The following SEMA3D variants were observed in gnomAD, a reference collection of about 807,000 sequenced individuals.
The protein encoded by SEMA3D is semaphorin-3D.
In SEMA3D, 84 loss-of-function variants were observed where a neutral mutation model predicts 100.1. That is an observed-to-expected ratio of 0.84 (90% CI 0.70 to 1.01). The LOEUF is 1.01. SEMA3D is among the 50% of genes least tolerant of loss of function. The probability of loss-of-function intolerance (pLI) is 0.00; values close to 1 mark genes in which losing one functional copy is unlikely to be tolerated. For synonymous variants in SEMA3D, 312 were observed against 320.7 expected (o/e 0.97, Z 0.29); for missense variants, 875 against 934.1 (o/e 0.94, Z 0.82).
intron 3 of SEMA3D, among the ~76,000 whole-genome samples, chr7:85,117,918 T>A (rs923607348): frequency 3.3e-5 from 5 of 151,362 alleles, no homozygotes; most frequent in Middle Eastern, 3.5e-3. Context: ...TATATAGATA[T>A]CTTTTTAAAA....
chr7:85,147,184 C>A (rs1374592768), intron 2 of SEMA3D, among the ~76,000 whole-genome samples: 2 of 146,206 alleles, frequency 1.4e-5, no homozygotes, highest in African/African-American at 5.0e-5. Context: ...CTCACCGCAA[C>A]CTCTGCCTCC....
Position 85,020,317 on chromosome 7 carries a change from A to G in SEMA3D, c.1419T>C (p.Ile473=). The change falls in exon 14 of 19, where the codon ATT becomes ATC. Residue 473 remains isoleucine (I), a synonymous_variant. Transcript: ENST00000284136. ...QYDVMFLGTD[I]GTVLKVVSIS... is the part of the protein sequence containing the mutation. ...TGCTGACAACTTTGAGGACAGTTCC[A>G]ATGTCTGAAAAAATGCATAACCCAT... 6.2e-7 allele frequency: 1 copy of G among 1,607,708 alleles called. No individual in the cohort carries two copies. Among genetic ancestry groups the G allele is most frequent in the Non-Finnish European group, 8.5e-7 (1 of 1,175,472 alleles).
At chr7:85,140,383 T>A (rs549229332) in intron 2 of SEMA3D, 1 of 981,340 alleles carries the variant, frequency 1.0e-6, no homozygotes, top group Non-Finnish European at 1.2e-6. Context: ...TGTTGGTAAA[T>A]TATTCTATTT....
At chr7:85,040,885 A>T in intron 10 of SEMA3D, 143 bp from the exon 11 acceptor site, 1 of 548,428 alleles carries the variant, frequency 1.8e-6, no homozygotes, top group Non-Finnish European at 3.2e-6. Flanking sequence ...GAAATCAAAT[A>T]TAAGATTGTT....
chr7:85,215,751 T>A, the SEMA3D span, among the ~76,000 whole-genome samples: 1 of 152,156 alleles, frequency 6.6e-6, no homozygotes, highest in African/African-American at 2.4e-5. Flanking sequence ...TATTACACTT[T>A]TTATGAAAAA....
intron 1 of SEMA3D, among the ~76,000 whole-genome samples, chr7:85,176,756 A>G (rs1054284757): frequency 4.1e-5 from 6 of 146,948 alleles, no homozygotes; most frequent in South Asian, 4.4e-4. Flanking sequence ...ACATGTATAT[A>G]TGTGTGTGTG....
intron 8 of SEMA3D, among the ~76,000 whole-genome samples, chr7:85,061,558 C>T (rs1791479608): frequency 1.3e-5 from 2 of 152,134 alleles, no homozygotes; most frequent in African/African-American, 2.4e-5. Context: ...TGTATTCTCT[C>T]CCCTCCCACT....
chr7:85,079,708 T>C (rs1212050170), intron 5 of SEMA3D, among the ~76,000 whole-genome samples: 1 of 152,248 alleles, frequency 6.6e-6, no homozygotes, highest in Admixed American at 6.5e-5. Flanking sequence ...AAAACCATTT[T>C]ACTGGAGTAA....
intron 8 of SEMA3D, among the ~76,000 whole-genome samples, chr7:85,057,954 AG>A (rs2116095941): frequency 6.6e-6 from 1 of 152,278 alleles, no homozygotes; most frequent in African/African-American, 2.4e-5. Context: ...GTAAATAAAA[AG>A]TTAACGTTGG....
intron 2 of SEMA3D, among the ~76,000 whole-genome samples, chr7:85,146,250 C>A (rs1249964744): frequency 6.6e-6 from 1 of 152,102 alleles, no homozygotes; most frequent in Non-Finnish European, 1.5e-5. Context: ...AATCACATTT[C>A]ACTTTTACTA....
chr7:85,173,465 C>A (rs1446713876), intron 1 of SEMA3D, among the ~76,000 whole-genome samples: 1 of 151,970 alleles, frequency 6.6e-6, no homozygotes, highest in East Asian at 1.9e-4. Flanking sequence ...CACTTCCGTG[C>A]CAAAACAGAT....
At chr7:85,197,879 G>T in the SEMA3D span, among the ~76,000 whole-genome samples, 2 of 152,084 alleles carry the variant, frequency 1.3e-5, no homozygotes, top group African/African-American at 2.4e-5. Flanking sequence ...ATTCTCAACA[G>T]TAGAATGGAT....
chr7:85,245,177 A>G, the SEMA3D span, among the ~76,000 whole-genome samples: 4 of 152,172 alleles, frequency 2.6e-5, no homozygotes, highest in Non-Finnish European at 4.4e-5. Flanking sequence ...CCTCGAAACA[A>G]AAGCATTAAA....
the SEMA3D span, among the ~76,000 whole-genome samples, chr7:85,210,821 C>T: frequency 1.5e-3 from 229 of 152,078 alleles, no homozygotes; most frequent in African/African-American, 4.7e-3. Context: ...AAGTAATATA[C>T]AATATTCAGG....
Position 85,081,689 on chromosome 7 carries a change from T to C in SEMA3D, c.313-110A>G, listed in dbSNP as rs546256381. On this transcript the variant is annotated intron_variant, in intron 4 of 18. Coordinates refer to ENST00000284136, the MANE Select transcript of SEMA3D (RefSeq NM_001384900.1). ...GAAATTGAAGAATGAGTATTAAGCA[T>C]GTTGTTAGAGTCAATGTGGGAAATT... 44 of 717,308 alleles carry C rather than the reference T, an allele frequency of 6.1e-5. 1 individual carries two copies. The highest frequency in any genetic ancestry group is 5.5e-4 in the African/African-American group (31 of 56,864). 44.4% of individuals were successfully genotyped at this position (717,308 alleles called of 1,614,324 possible). A position where few individuals can be genotyped will look rare whatever the true frequency, so the allele number is the denominator to read the frequency against.
the SEMA3D span, among the ~76,000 whole-genome samples, chr7:85,242,284 T>G: frequency 6.6e-6 from 1 of 152,214 alleles, no homozygotes; most frequent in Non-Finnish European, 1.5e-5. Context: ...ATTTTACATT[T>G]TTTTCTAATA....
At chr7:85,142,946 G>A (rs756897935) in intron 2 of SEMA3D, 28 of 985,132 alleles carry the variant, frequency 2.8e-5, no homozygotes, top group Admixed American at 6.2e-5. Context: ...TGCCATCTTA[G>A]TTAGGAAAAG....
rs991563250 is a variant in SEMA3D, at chr7:85,028,653, C to T, written c.1192-6040G>A. On this transcript the variant is annotated intron_variant, in intron 12 of 18. Transcript: ENST00000284136. ...TTGTGAACTTGCTAAACATACTCTT[C>T]CAGCACTGAAACCAGTACTGAGGTC... 1.5e-5 allele frequency: 3 copies of T among 204,662 alleles called. No homozygotes were observed. In the South Asian group the frequency reaches 2.6e-4, roughly 17 times the overall value. 12.7% of individuals were successfully genotyped at this position (204,662 alleles called of 1,614,324 possible).
chr7:85,123,870 T>C (rs768997608), intron 2 of SEMA3D, among the ~76,000 whole-genome samples: 9 of 152,082 alleles, frequency 5.9e-5, no homozygotes, highest in Non-Finnish European at 1.0e-4. Flanking sequence ...ATATTGCATA[T>C]TTTATTTACA....
Sources: gnomAD v4.1 joint callset for allele counts (sites outside exome capture counted in the v4.1 genomes callset) on GRCh38, gnomAD v4.1.1 for gene constraint, MANE v1.5 for transcripts, NCBI Gene and HGNC (gene_info 2026-07-23, HGNC 2026-07-21) for gene names.